Variants in WLS observed in about 807,000 individuals in gnomAD.
The protein encoded by WLS is Wnt ligand secretion mediator, also known as protein wntless homolog.
A neutral mutation model predicts 62.8 loss-of-function variants in WLS; 23 were observed. The ratio of observed to expected loss-of-function variants is 0.37; its 90% CI spans 0.26 to 0.52. The LOEUF (loss-of-function observed/expected upper bound fraction) is 0.52, where lower values mean the gene tolerates loss of function less well. Ranked by LOEUF, WLS falls within the 20% of genes least tolerant of loss-of-function variation. The pLI is 0.92. For synonymous variants in WLS, 246 were observed against 244.1 expected (o/e 1.01, Z -0.07); for missense variants, 615 against 697.3 (o/e 0.88, Z 1.33).
At chr1:68,194,342 T>A (rs1648543701) in intron 1 of WLS, 115 bp from the exon 2 acceptor site, 1 of 1,354,788 alleles carries the variant, frequency 7.4e-7, no homozygotes, top group East Asian at 2.5e-5. Context: ...CTTCTACAAG[T>A]GGGGCTCAGC....
chr1:68,118,627 A>G (rs113252749), intron 11 of WLS, among the ~76,000 whole-genome samples: 7,643 of 152,064 alleles, frequency 0.05, 224 homozygotes, highest in Middle Eastern at 0.12. Context: ...TGTAATCCCA[A>G]CACTTTGGGA....
At chr1:68,144,153 C>A (rs1223315309) in intron 10 of WLS, among the ~76,000 whole-genome samples, 3 of 152,126 alleles carry the variant, frequency 2.0e-5, no homozygotes, top group African/African-American at 7.2e-5. Context: ...ATCAAAGAGA[C>A]TTTTGAATTA....
At chr1:68,117,397 G>T (rs1646306424) in intron 11 of WLS, 1 of 152,216 alleles carries the variant, frequency 6.6e-6, no homozygotes, top group South Asian at 2.1e-4. Context: ...CCTAGCCAAG[G>T]CCTTCTGCTG....
At chr1:68,104,023 G>A (rs12127166) in intron 11 of WLS, among the ~76,000 whole-genome samples, 44,883 of 151,928 alleles carry the variant, frequency 0.3, 6,860 homozygotes, top group East Asian at 0.33. Context: ...CCCACACCCA[G>A]CAAGCCACAC....
chr1:68,213,262 T>C (rs996805934), intron 1 of WLS, among the ~76,000 whole-genome samples: 1 of 151,572 alleles, frequency 6.6e-6, no homozygotes, highest in African/African-American at 2.4e-5. Flanking sequence ...ACCAGCCTGG[T>C]CAACATGGTG....
chr1:68,162,682 G>A, intron 2 of WLS: 2 of 1,236,328 alleles, frequency 1.6e-6, no homozygotes, highest in South Asian at 2.5e-5. Flanking sequence ...GCAGATGGTA[G>A]AGTCCGGTGT....
Position 68,125,466 on chromosome 1 carries a change from A to G in WLS, c.*760T>C. The G allele has an allele frequency of 1.0e-6, 1 of 985,460 alleles. No homozygotes were observed. The highest frequency in any genetic ancestry group is 1.2e-6 in the Non-Finnish European group (1 of 829,936). 61.0% of individuals were successfully genotyped at this position (985,460 alleles called of 1,614,324 possible). A position where few individuals can be genotyped will look rare whatever the true frequency, so the allele number is the denominator to read the frequency against. The stretch of plus-strand genomic sequence containing the variant: ...GGAGGCTATTTGAAGTATCTTATCA[A>G]AATAAAACGCATTTTAAGCAAGAAG... On this transcript the variant is annotated 3_prime_UTR_variant, in exon 12 of 12. Transcript: ENST00000262348.
intron 2 of WLS, among the ~76,000 whole-genome samples, chr1:68,191,845 G>A (rs979453230): frequency 3.4e-4 from 51 of 151,994 alleles, no homozygotes; most frequent in Non-Finnish European, 8.8e-5. Flanking sequence ...TCCTCACCAG[G>A]CTTTTCTCTC....
intron 1 of WLS, among the ~76,000 whole-genome samples, chr1:68,210,920 C>A (rs556046424): frequency 1.2e-4 from 19 of 152,192 alleles, no homozygotes; most frequent in African/African-American, 4.6e-4. Context: ...CAGAAAAAAA[C>A]CCACCAAGAA....
At chr1:68,148,999 C>T (rs1032147473) in intron 6 of WLS, among the ~76,000 whole-genome samples, 1 of 152,102 alleles carries the variant, frequency 6.6e-6, no homozygotes. Flanking sequence ...TAAATTTCTA[C>T]GTGACTTGTA....
At chr1:68,126,378 G>A (rs768478024) in intron 11 of WLS, 43 bp from the exon 12 acceptor site, 122 of 1,611,440 alleles carry the variant, frequency 7.6e-5, no homozygotes, top group Admixed American at 1.8e-4. Flanking sequence ...AAGGAGGAAG[G>A]AGAAGCAAGC....
chr1:68,228,213 ATACT>A (rs749926065), intron 1 of WLS: 3 of 433,246 alleles, frequency 6.9e-6, no homozygotes, highest in South Asian at 5.1e-5. Flanking sequence ...TGATTTGTTG[ATACT>A]TACAGTTTAT....
chr1:68,161,748 T>C, intron 2 of WLS: 1 of 1,581,988 alleles, frequency 6.3e-7, no homozygotes, highest in East Asian at 2.2e-5. Flanking sequence ...CTTCCGGCAT[T>C]CTCTGCTATT....
At chr1:68,150,138 C>A in intron 6 of WLS, 50 bp downstream of exon 6, 5 of 1,590,256 alleles carry the variant, frequency 3.1e-6, no homozygotes, top group Non-Finnish European at 4.3e-6. Context: ...AGCTTGGCAG[C>A]CTGCACAGAG....
intron 11 of WLS, among the ~76,000 whole-genome samples, chr1:68,104,292 C>A (rs1038153158): frequency 6.6e-6 from 1 of 152,116 alleles, no homozygotes; most frequent in Non-Finnish European, 1.5e-5. Flanking sequence ...TCATCACTAC[C>A]ATTATCGGTG....
At chr1:68,231,941 C>T (rs894015861) in intron 1 of WLS, 1 of 533,384 alleles carries the variant, frequency 1.9e-6, no homozygotes, top group Non-Finnish European at 3.5e-6. Flanking sequence ...TTCCCACCCC[C>T]GCCGCCCCCC....
At chr1:68,217,526 G>A (rs1312112508) in intron 1 of WLS, among the ~76,000 whole-genome samples, 16 of 152,178 alleles carry the variant, frequency 1.1e-4, no homozygotes, top group Admixed American at 7.9e-4. Context: ...AATAGTCTGG[G>A]GGTGATGTTT....
chr1:68,144,610 C>T lies in WLS; in HGVS notation c.1321G>A (p.Ala441Thr), dbSNP rs889137737. ...RFKFLMLITL[A>T]CAAMTVIFFI... ...AAGATGACAGTCATGGCAGCGCAGG[C>T]CAAGGTGATAAGCATGAGGAACTTG... The change falls in exon 10 of 12, where the codon GCC (alanine) becomes ACC (threonine). Residue 441 changes from alanine to threonine, a missense_variant. Ala to Thr is a moderately conservative substitution (Grantham distance 58, BLOSUM62 0). Transcript: ENST00000262348. 1.4e-5 allele frequency: 22 copies of T among 1,613,544 alleles called. No homozygotes were observed. Among genetic ancestry groups the T allele is most frequent in the Non-Finnish European group, 1.9e-5 (22 of 1,179,748 alleles).
chr1:68,120,717 T>TGCGC (rs56751724), downstream of WLS, among the ~76,000 whole-genome samples: 2 of 145,744 alleles, frequency 1.4e-5, no homozygotes, highest in African/African-American at 5.3e-5. Flanking sequence ...TGTGTGTGTG[T>TGCGC]GCGCGCGCGC....
Sources: gnomAD v4.1 joint callset for allele counts (sites outside exome capture counted in the v4.1 genomes callset) on GRCh38, gnomAD v4.1.1 for gene constraint, MANE v1.5 for transcripts, NCBI Gene and HGNC (gene_info 2026-07-23, HGNC 2026-07-21) for gene names.